IDE: variants seen among roughly 807,000 people sequenced by gnomAD.
IDE encodes the protein insulin degrading enzyme, also known as insulin-degrading enzyme.
IDE carries 58 observed loss-of-function variants against 133.2 expected under a neutral mutation model. The ratio of observed to expected loss-of-function variants is 0.44; its 90% CI spans 0.35 to 0.54. The LOEUF (loss-of-function observed/expected upper bound fraction) is 0.54, where lower values mean the gene tolerates loss of function less well. IDE is among the 20% of genes least tolerant of loss of function. The pLI, the probability that IDE is intolerant of heterozygous loss-of-function variation, is 0.00. For missense variants in IDE, 981 were observed against 1,234.0 expected, an observed-to-expected ratio of 0.79 and a Z score of 3.07; for synonymous variants, 396 against 421.3, an observed-to-expected ratio of 0.94 and a Z score of 0.73.
chr10:92,543,655 T>C (rs577409387), intron 1 of IDE, among the ~76,000 whole-genome samples: 98 of 152,304 alleles, frequency 6.4e-4, no homozygotes, highest in Admixed American at 9.2e-4. Flanking sequence ...AGTAGGGTGG[T>C]TGCAATTTAA....
chr10:92,505,168 G>A (rs962805975), intron 10 of IDE, among the ~76,000 whole-genome samples: 14 of 152,138 alleles, frequency 9.2e-5, no homozygotes, highest in Non-Finnish European at 1.6e-4. Context: ...CATTTCTTTC[G>A]GGGAAAACCA....
intron 4 of IDE, among the ~76,000 whole-genome samples, chr10:92,522,399 T>G (rs953991651): frequency 6.6e-6 from 1 of 152,196 alleles, no homozygotes; most frequent in African/African-American, 2.4e-5. Context: ...AACATAGGCT[T>G]TGAGTTCAGA....
intron 6 of IDE, 113 bp downstream of exon 6, chr10:92,509,937 A>AAAACAC (rs1848495248): frequency 1.8e-6 from 1 of 570,716 alleles, no homozygotes; most frequent in East Asian, 2.9e-5. Flanking sequence ...AAAAAAAAAA[A>AAAACAC]AACACAACAT....
At chr10:92,553,871 A>C (rs905424666) in intron 1 of IDE, among the ~76,000 whole-genome samples, 1 of 152,178 alleles carries the variant, frequency 6.6e-6, no homozygotes, top group Non-Finnish European at 1.5e-5. Context: ...CCCAGGACCC[A>C]TGGCTTTCCT....
At chr10:92,454,786 T>C (rs540045583) in intron 24 of IDE, among the ~76,000 whole-genome samples, 4 of 152,260 alleles carry the variant, frequency 2.6e-5, no homozygotes, top group African/African-American at 9.6e-5. Context: ...CTTAGTCCTT[T>C]TGGTTTTCCT....
intron 5 of IDE, among the ~76,000 whole-genome samples, chr10:92,510,681 T>A (rs1407569685): frequency 2.0e-5 from 3 of 149,986 alleles, no homozygotes; most frequent in Admixed American, 2.0e-4. Context: ...ACATATATGA[T>A]ATATATCACA....
chr10:92,541,620 A>G (rs903511729), intron 1 of IDE, among the ~76,000 whole-genome samples: 5 of 152,204 alleles, frequency 3.3e-5, no homozygotes, highest in African/African-American at 7.2e-5. Flanking sequence ...GAAACTTCAT[A>G]AGGCACAGAA....
At chr10:92,570,110 A>G (rs1410625444) in intron 1 of IDE, among the ~76,000 whole-genome samples, 1 of 152,160 alleles carries the variant, frequency 6.6e-6, no homozygotes, top group Non-Finnish European at 1.5e-5. Flanking sequence ...CAGTCTCAAA[A>G]AAAAAAAAAG....
intron 11 of IDE, among the ~76,000 whole-genome samples, chr10:92,500,858 T>A (rs193250832): frequency 6.6e-6 from 1 of 151,628 alleles, no homozygotes; most frequent in Non-Finnish European, 1.5e-5. Context: ...CTGGCCAACA[T>A]GGTGAAACCC....
intron 1 of IDE, among the ~76,000 whole-genome samples, chr10:92,560,556 G>A (rs1045920917): frequency 8.6e-5 from 13 of 151,638 alleles, no homozygotes; most frequent in South Asian, 6.3e-4. Context: ...GCCCTAGCAC[G>A]TGGATCACCT....
chr10:92,488,559 C>T (rs1219491693), intron 12 of IDE, among the ~76,000 whole-genome samples: 4 of 152,012 alleles, frequency 2.6e-5, no homozygotes, highest in Non-Finnish European at 4.4e-5. Context: ...GTGCAGATCA[C>T]GAGGTCAGGA....
At position 92,574,039 on chromosome 10, in the gene IDE, G is replaced by C; in HGVS notation, c.-20C>G. 2 of 1,502,708 alleles carry C rather than the reference G, an allele frequency of 1.3e-6. No individual in the cohort carries two copies. Among genetic ancestry groups the C allele is most frequent in the Non-Finnish European group, 1.8e-6 (2 of 1,126,500 alleles). 93.1% of individuals were successfully genotyped at this position (1,502,708 alleles called of 1,614,324 possible). A position where few individuals can be genotyped will look rare whatever the true frequency, so the allele number is the denominator to read the frequency against. On this transcript the variant is annotated 5_prime_UTR_variant, in exon 1 of 25. In the 5' UTR this introduces an upstream ATG that the reference lacks. Coordinates refer to ENST00000265986, the MANE Select transcript of IDE (RefSeq NM_004969.4). ...CCGCATTAGCCAGCGCAGTCGCCGGGATCACCGCAAACGCTTCCTGCTTGC... is the reference window on the plus strand; with the variant it reads ...CCGCATTAGCCAGCGCAGTCGCCGGCATCACCGCAAACGCTTCCTGCTTGC...
At chr10:92,508,229 T>C in intron 7 of IDE, 24 bp from the exon 8 acceptor site, 1 of 1,566,140 alleles carries the variant, frequency 6.4e-7, no homozygotes, top group Non-Finnish European at 8.8e-7. Context: ...AGGAAATCAA[T>C]ACGATTGATT....
intron 21 of IDE, among the ~76,000 whole-genome samples, chr10:92,462,387 G>A (rs184092888): frequency 8.0e-5 from 12 of 150,208 alleles, no homozygotes; most frequent in East Asian, 7.9e-4. Flanking sequence ...TTGGGAGGCC[G>A]AGGCAGGGGG....
intron 1 of IDE, among the ~76,000 whole-genome samples, chr10:92,545,711 C>T (rs1842509773): frequency 6.6e-6 from 1 of 152,114 alleles, no homozygotes; most frequent in Non-Finnish European, 1.5e-5. Flanking sequence ...CAGGAGGTCC[C>T]AAATTTGCAA....
chr10:92,493,275 T>C (rs1283194815), intron 11 of IDE, among the ~76,000 whole-genome samples: 2 of 152,194 alleles, frequency 1.3e-5, no homozygotes, highest in African/African-American at 4.8e-5. Flanking sequence ...GCTTCCACTT[T>C]TGTTGATTTC....
At chr10:92,500,090 G>A (rs1847923451) in intron 11 of IDE, among the ~76,000 whole-genome samples, 1 of 152,168 alleles carries the variant, frequency 6.6e-6, no homozygotes, top group Admixed American at 6.5e-5. Context: ...CTGAGGTCAT[G>A]AGTTCGAGAC....
At chr10:92,514,897 T>TA in intron 5 of IDE, 23 bp downstream of exon 5, 2 of 1,594,724 alleles carry the variant, frequency 1.3e-6, no homozygotes, top group South Asian at 2.3e-5. Flanking sequence ...TCCAATTCTA[T>TA]AAAAAATTGT....
intron 5 of IDE, among the ~76,000 whole-genome samples, chr10:92,512,682 C>G (rs1227200625): frequency 1.3e-5 from 2 of 150,726 alleles, no homozygotes. Flanking sequence ...ACAGAGTATG[C>G]TTTTTTTTTA....
Sources: gnomAD v4.1 joint callset for allele counts (sites outside exome capture counted in the v4.1 genomes callset) on GRCh38, gnomAD v4.1.1 for gene constraint, MANE v1.5 for transcripts, NCBI Gene and HGNC (gene_info 2026-07-23, HGNC 2026-07-21) for gene names.